FOXP2: variants seen among roughly 807,000 people sequenced by gnomAD.
FOXP2 encodes the protein forkhead box P2, also known as forkhead box protein P2.
In FOXP2, 12 loss-of-function variants were observed where a neutral mutation model predicts 115.8. The ratio of observed to expected loss-of-function variants is 0.10; its 90% CI spans 0.07 to 0.17. FOXP2 has a LOEUF of 0.17. Ranked by LOEUF, FOXP2 falls within the 10% of genes least tolerant of loss-of-function variation. The pLI is 1.00. For synonymous variants in FOXP2, 328 were observed against 297.7 expected (o/e 1.10, Z -1.05); for missense variants, 629 against 843.5 (o/e 0.75, Z 3.15).
intron 2 of FOXP2, among the ~76,000 whole-genome samples, chr7:114,435,880 G>T (rs996081254): frequency 6.6e-6 from 1 of 152,072 alleles, no homozygotes; most frequent in Non-Finnish European, 1.5e-5. Context: ...TTAGATAGCC[G>T]TTAAAGATTT....
intron 7 of FOXP2, 85 bp downstream of exon 7, chr7:114,642,708 C>T (rs1805605506): frequency 8.1e-7 from 1 of 1,239,012 alleles, no homozygotes. Context: ...ACAATTTGTA[C>T]TTGGAGCAAG....
chr7:114,098,318 A>C (rs775544779), intron 1 of FOXP2, among the ~76,000 whole-genome samples: 180 of 152,322 alleles, frequency 1.2e-3, no homozygotes, highest in Non-Finnish European at 2.4e-3. Context: ...ACATTTCCTG[A>C]TTTAAAATTA....
chr7:114,263,923 T>A (rs890681286), intron 1 of FOXP2, among the ~76,000 whole-genome samples: 3 of 151,952 alleles, frequency 2.0e-5, no homozygotes, highest in African/African-American at 7.2e-5. Context: ...TATGACTTAT[T>A]TTTAGAAAAA....
chr7:114,184,496 C>T (rs1421296853), intron 1 of FOXP2, among the ~76,000 whole-genome samples: 1 of 152,114 alleles, frequency 6.6e-6, no homozygotes, highest in Non-Finnish European at 1.5e-5. Context: ...GAGAGAATAA[C>T]ACATTAAGCA....
intron 3 of FOXP2, among the ~76,000 whole-genome samples, chr7:114,589,157 T>C (rs1802312226): frequency 6.6e-6 from 1 of 152,190 alleles, no homozygotes; most frequent in Non-Finnish European, 1.5e-5. Context: ...TTCTTAAAGC[T>C]TTCTTCTGTT....
chr7:114,526,843 A>G (rs1318565411), intron 2 of FOXP2, among the ~76,000 whole-genome samples: 4 of 152,170 alleles, frequency 2.6e-5, no homozygotes, highest in Non-Finnish European at 4.4e-5. Context: ...TATACAATTC[A>G]GGGAGTTTTT....
At chr7:114,679,588 G>A (rs146423221) in intron 16 of FOXP2, among the ~76,000 whole-genome samples, 68 of 152,012 alleles carry the variant, frequency 4.5e-4, no homozygotes, top group Non-Finnish European at 7.9e-4. Flanking sequence ...ACCTCATTCT[G>A]CTATTCTAAC....
chr7:114,674,865 A>G (rs1019248413), intron 16 of FOXP2, among the ~76,000 whole-genome samples: 3 of 152,104 alleles, frequency 2.0e-5, no homozygotes, highest in Non-Finnish European at 4.4e-5. Flanking sequence ...TAAACAATTT[A>G]TTTATGACTG....
rs546060378 is a variant in FOXP2 at position 114,503,779 on chromosome 7, TAATA to T, written c.169-30833_169-30830del. On this transcript the variant is annotated intron_variant, in intron 2 of 16. Transcript: ENST00000350908. ...ATTTTATTCTTCTGATTGACTTTAT[TAATA>T]AATAGCCTGTGCTCTTTTTGTCCCC... Among the ~76,000 whole-genome samples, 450 of 151,526 alleles carry T rather than the reference TAATA, an allele frequency of 3.0e-3. 3 individuals carry two copies. Among genetic ancestry groups the T allele is most frequent in the African/African-American group, 0.011 (439 of 41,504 alleles).
chr7:114,465,309 G>A (rs1232159184), intron 2 of FOXP2, among the ~76,000 whole-genome samples: 1 of 152,050 alleles, frequency 6.6e-6, no homozygotes, highest in East Asian at 1.9e-4. Flanking sequence ...TTTTATGAAA[G>A]AGAATAGAGA....
At chr7:114,258,330 T>A (rs1490550864) in intron 1 of FOXP2, among the ~76,000 whole-genome samples, 2 of 152,234 alleles carry the variant, frequency 1.3e-5, no homozygotes. Flanking sequence ...GTGGATATCC[T>A]ATGATTGGTT....
chr7:114,532,439 A>C (rs1799185045), intron 2 of FOXP2, among the ~76,000 whole-genome samples: 1 of 151,876 alleles, frequency 6.6e-6, no homozygotes, highest in Non-Finnish European at 1.5e-5. Flanking sequence ...TTGCCTACTA[A>C]TGATTCCTTT....
At chr7:114,491,717 T>C (rs913186293) in intron 2 of FOXP2, among the ~76,000 whole-genome samples, 6 of 152,172 alleles carry the variant, frequency 3.9e-5, no homozygotes, top group Non-Finnish European at 8.8e-5. Flanking sequence ...TTACGTTTAT[T>C]GATTTGCGTA....
chr7:114,559,049 G>A (rs1336201366), intron 3 of FOXP2, among the ~76,000 whole-genome samples: 3 of 150,734 alleles, frequency 2.0e-5, no homozygotes, highest in Non-Finnish European at 4.4e-5. Flanking sequence ...TTTCAAAAAC[G>A]CTTAAACTCT....
intron 2 of FOXP2, among the ~76,000 whole-genome samples, chr7:114,356,946 G>A (rs1562885050): frequency 1.3e-5 from 2 of 152,076 alleles, no homozygotes; most frequent in South Asian, 4.2e-4. Context: ...TGAAGAGGGG[G>A]CAATTTTGGT....
chr7:114,512,013 T>G (rs1399194852), intron 2 of FOXP2, among the ~76,000 whole-genome samples: 1 of 152,192 alleles, frequency 6.6e-6, no homozygotes, highest in African/African-American at 2.4e-5. Context: ...ATGTCATTAT[T>G]ATTCATTTAT....
intron 2 of FOXP2, among the ~76,000 whole-genome samples, chr7:114,464,211 T>C (rs546568427): frequency 6.6e-4 from 100 of 152,086 alleles, no homozygotes; most frequent in African/African-American, 2.2e-3. Flanking sequence ...GGGTAGATAC[T>C]AAGACCTCCA....
chr7:114,564,534 C>T (rs1003237809), intron 3 of FOXP2, among the ~76,000 whole-genome samples: 4 of 152,048 alleles, frequency 2.6e-5, no homozygotes, highest in African/African-American at 4.8e-5. Flanking sequence ...GTGACATTGT[C>T]AGTGATAGAA....
At position 114,661,285 on chromosome 7, in the gene FOXP2, A is replaced by G. The variant is rs566642971; in HGVS notation, c.1648-780A>G. 8.8e-4 allele frequency among the ~76,000 whole-genome samples: 134 copies of G among 152,202 alleles called. 1 individual carries two copies. The highest frequency in any genetic ancestry group is 1.5e-3 in the Non-Finnish European group (102 of 67,976). On this transcript the variant is annotated intron_variant, in intron 13 of 16. Transcript: ENST00000350908. Reference sequence around the variant, plus strand: ...ATACTCGATGTAAATTATGTGGTCTACTGTATATTTATTATAGCTAAAATT... The same window carrying G: ...ATACTCGATGTAAATTATGTGGTCTGCTGTATATTTATTATAGCTAAAATT...
Sources: gnomAD v4.1 joint callset for allele counts (sites outside exome capture counted in the v4.1 genomes callset) on GRCh38, gnomAD v4.1.1 for gene constraint, MANE v1.5 for transcripts, NCBI Gene and HGNC (gene_info 2026-07-23, HGNC 2026-07-21) for gene names.